DGKB: variants seen among roughly 807,000 people sequenced by gnomAD.
DGKB encodes the protein diacylglycerol kinase beta, also known as 90 kDa diacylglycerol kinase.
DGKB carries 67 observed loss-of-function variants against 114.3 expected under a neutral mutation model. The ratio of observed to expected loss-of-function variants is 0.59; its 90% CI spans 0.48 to 0.72. The LOEUF (loss-of-function observed/expected upper bound fraction) is 0.72. DGKB is among the 30% of genes least tolerant of loss of function. The pLI, the probability that DGKB is intolerant of heterozygous loss-of-function variation, is 0.00. For synonymous variants in DGKB, 398 were observed against 323.1 expected (o/e 1.23, Z -2.49); for missense variants, 907 against 975.2 (o/e 0.93, Z 0.93).
intron 8 of DGKB, among the ~76,000 whole-genome samples, chr7:14,697,310 AG>A (rs111373127): frequency 2.6e-5 from 4 of 152,192 alleles, no homozygotes; most frequent in South Asian, 2.1e-4. Flanking sequence ...TCTCTGCAAA[AG>A]GGAAAAAAAA....
chr7:14,648,123 G>C (rs1283185838), intron 13 of DGKB, among the ~76,000 whole-genome samples: 5 of 152,216 alleles, frequency 3.3e-5, no homozygotes, highest in Non-Finnish European at 5.9e-5. Flanking sequence ...CCAGGAAGCT[G>C]GAACTGGGTG....
chr7:14,901,605 A>ACCCCCCCCCCCCCCCCCCCCCC (rs1300363624), intron 1 of DGKB, among the ~76,000 whole-genome samples: 32 of 123,088 alleles, frequency 2.6e-4, no homozygotes, highest in Non-Finnish European at 2.9e-4. Flanking sequence ...AGGGATTTCC[A>ACCCCCCCCCCCCCCCCCCCCCC]CCCCCCCCCA....
chr7:14,751,314 A>C (rs949468608), intron 4 of DGKB, among the ~76,000 whole-genome samples: 2 of 152,166 alleles, frequency 1.3e-5, no homozygotes, highest in African/African-American at 4.8e-5. Context: ...GAAAGAACAA[A>C]CATTCTACAG....
chr7:14,965,620 A>G (rs927262589), intron 1 of DGKB, among the ~76,000 whole-genome samples: 3 of 152,130 alleles, frequency 2.0e-5, no homozygotes, highest in Non-Finnish European at 2.9e-5. Flanking sequence ...TCTCATATAC[A>G]TTCATAAGTA....
chr7:14,731,815 A>G (rs183145746), intron 5 of DGKB, among the ~76,000 whole-genome samples: 1 of 152,334 alleles, frequency 6.6e-6, no homozygotes, highest in East Asian at 1.9e-4. Context: ...GAACTGGCAG[A>G]GACGAGAGAT....
At chr7:14,598,570 A>T (rs1428083281) in intron 17 of DGKB, among the ~76,000 whole-genome samples, 1 of 152,240 alleles carries the variant, frequency 6.6e-6, no homozygotes, top group Admixed American at 6.5e-5. Context: ...AAATGTTCAT[A>T]AATATTTCAC....
chr7:14,743,925 C>A (rs1917552), intron 4 of DGKB, among the ~76,000 whole-genome samples: 14 of 151,640 alleles, frequency 9.2e-5, no homozygotes, highest in Admixed American at 4.6e-4. Flanking sequence ...TTTGGAGACT[C>A]TAACACTGGA....
chr7:14,373,008 C>A (rs10282325), intron 21 of DGKB, among the ~76,000 whole-genome samples: 5,958 of 152,238 alleles, frequency 0.039, 283 homozygotes, highest in African/African-American at 0.11. Flanking sequence ...ACGTTTGATC[C>A]ATAAGGTGTT....
chr7:14,813,689 T>C (rs1262069844), intron 2 of DGKB, among the ~76,000 whole-genome samples: 3 of 152,200 alleles, frequency 2.0e-5, no homozygotes, highest in Admixed American at 6.5e-5. Context: ...CCTGTCATCT[T>C]GCTTTATGCT....
At chr7:14,231,359 A>T (rs1045680386) in intron 23 of DGKB, among the ~76,000 whole-genome samples, 6 of 151,916 alleles carry the variant, frequency 3.9e-5, no homozygotes, top group Admixed American at 3.9e-4. Flanking sequence ...GCTGGTCTGG[A>T]ACTTGTGGCC....
intron 20 of DGKB, among the ~76,000 whole-genome samples, chr7:14,522,819 T>G (rs1285142123): frequency 6.6e-6 from 1 of 152,186 alleles, no homozygotes; most frequent in Non-Finnish European, 1.5e-5. Flanking sequence ...TTCCATTGAC[T>G]TTCGACTGCT....
intron 23 of DGKB, among the ~76,000 whole-genome samples, chr7:14,179,915 C>G (rs1782385645): frequency 6.6e-6 from 1 of 152,112 alleles, no homozygotes; most frequent in Admixed American, 6.5e-5. Context: ...TTCTGTGTTT[C>G]TAGTTTAAAT....
intron 20 of DGKB, among the ~76,000 whole-genome samples, chr7:14,527,718 ATAGAAT>A (rs960651227): frequency 2.6e-5 from 4 of 152,212 alleles, no homozygotes; most frequent in Middle Eastern, 3.4e-3. Context: ...TTTTAATGAA[ATAGAAT>A]TATAATGTTT....
At chr7:14,562,142 C>G (rs931788603) in intron 20 of DGKB, among the ~76,000 whole-genome samples, 1 of 152,340 alleles carries the variant, frequency 6.6e-6, no homozygotes, top group East Asian at 1.9e-4. Context: ...GCCTTGGCAG[C>G]AAGCTCTAAG....
chr7:14,589,688 A>C (rs1048672840), intron 17 of DGKB, among the ~76,000 whole-genome samples: 3 of 152,034 alleles, frequency 2.0e-5, no homozygotes, highest in African/African-American at 7.2e-5. Context: ...TAGTGTGAGA[A>C]TAAACATTTA....
intron 2 of DGKB, among the ~76,000 whole-genome samples, chr7:14,799,715 A>G (rs917351559): frequency 1.4e-4 from 22 of 152,152 alleles, no homozygotes; most frequent in Non-Finnish European, 2.4e-4. Context: ...ATGACCTGAA[A>G]AGCTGCTAGT....
chr7:14,925,477 T>C (rs1230207753), intron 1 of DGKB, among the ~76,000 whole-genome samples: 1 of 152,198 alleles, frequency 6.6e-6, no homozygotes, highest in Non-Finnish European at 1.5e-5. Context: ...ATTAAACTTA[T>C]AGGTCAATTT....
chr7:14,241,354 A>ATACTGAGC (rs1433504733), intron 23 of DGKB, among the ~76,000 whole-genome samples: 4 of 152,130 alleles, frequency 2.6e-5, no homozygotes, highest in Admixed American at 2.0e-4. Context: ...GGTCAGCAAA[A>ATACTGAGC]TACTGAGCTG....
chr7:14,149,302 A>C, intron 25 of DGKB, 64 bp from the exon 26 acceptor site: 1 of 1,159,102 alleles, frequency 8.6e-7, no homozygotes, highest in East Asian at 2.4e-5. Flanking sequence ...ATACAATACC[A>C]ATTTGTGAGA....
Sources: gnomAD v4.1 joint callset for allele counts (sites outside exome capture counted in the v4.1 genomes callset) on GRCh38, gnomAD v4.1.1 for gene constraint, MANE v1.5 for transcripts, NCBI Gene and HGNC (gene_info 2026-07-23, HGNC 2026-07-21) for gene names.